The following MEMO1 variants were observed in gnomAD, a reference collection of about 807,000 sequenced individuals.
The protein encoded by MEMO1 is protein MEMO1.
Under a neutral mutation model 45.2 loss-of-function variants are expected in MEMO1, and 6 were observed. The observed-to-expected ratio is 0.13, with a 90% confidence interval of 0.07 to 0.26. The LOEUF is 0.26. Among genes scored for constraint, MEMO1 ranks in the 10% least tolerant of loss-of-function variants. The pLI is 1.00. For synonymous variants in MEMO1, 78 were observed against 124.3 expected (o/e 0.63, Z 2.48); for missense variants, 184 against 370.5 (o/e 0.50, Z 4.13).
At chr2:31,947,753 G>C (rs1463391863) in intron 2 of MEMO1, among the ~76,000 whole-genome samples, 1 of 152,074 alleles carries the variant, frequency 6.6e-6, no homozygotes, top group East Asian at 1.9e-4. Flanking sequence ...AATCCCACTT[G>C]ACTCAAAGAA....
intron 7 of MEMO1, 124 bp from the exon 8 acceptor site, chr2:31,883,586 A>C (rs1257726090): frequency 1.7e-5 from 11 of 648,974 alleles, no homozygotes; most frequent in Non-Finnish European, 2.9e-5. Context: ...CTCTGAGAGA[A>C]TCATTCCCAA....
intron 4 of MEMO1, 144 bp downstream of exon 4, chr2:31,931,923 C>A: frequency 1.6e-6 from 1 of 629,516 alleles, no homozygotes; most frequent in Non-Finnish European, 2.7e-6. Flanking sequence ...GTAACCTATA[C>A]AAAGTATAGT....
chr2:31,935,948 TTTA>T (rs1664869929), intron 3 of MEMO1, among the ~76,000 whole-genome samples: 1 of 151,924 alleles, frequency 6.6e-6, no homozygotes, highest in Non-Finnish European at 1.5e-5. Flanking sequence ...AGTATTTTAT[TTTA>T]TTTTTTATTT....
intron 8 of MEMO1, 105 bp downstream of exon 8, chr2:31,883,281 G>C (rs553695068): frequency 6.1e-6 from 5 of 816,146 alleles, no homozygotes; most frequent in Non-Finnish European, 9.7e-6. Flanking sequence ...TACATTTAAA[G>C]ATAGGGAAAA....
chr2:31,958,973 AC>A (rs1667696232), intron 2 of MEMO1, among the ~76,000 whole-genome samples: 1 of 152,184 alleles, frequency 6.6e-6, no homozygotes, highest in Non-Finnish European at 1.5e-5. Flanking sequence ...ACAAAGTTAG[AC>A]TAGAACTGTG....
chr2:31,915,818 T>TAA, intron 6 of MEMO1, among the ~76,000 whole-genome samples: 1 of 152,254 alleles, frequency 6.6e-6, no homozygotes, highest in South Asian at 2.1e-4. Context: ...CCCCCAAATT[T>TAA]TAGGCAATAA....
intron 2 of MEMO1, among the ~76,000 whole-genome samples, chr2:31,959,582 G>A (rs1274429506): frequency 6.6e-6 from 1 of 151,828 alleles, no homozygotes; most frequent in African/African-American, 2.4e-5. Context: ...AGGGGTTGCA[G>A]GTAAAAGTTG....
chr2:31,999,642 C>T lies in MEMO1; in HGVS notation c.61+10545G>A, dbSNP rs187133495. ...CTATGATTGCACCACTGCACTCTAGCCTGGGCAACAGAGCAAGACCCTGTC... is the reference window on the plus strand; with the variant it reads ...CTATGATTGCACCACTGCACTCTAGTCTGGGCAACAGAGCAAGACCCTGTC... On this transcript the variant is annotated intron_variant, in intron 2 of 9. Coordinates refer to ENST00000404530, the MANE Select transcript of MEMO1 (RefSeq NM_001301833.4). 2.0e-5 allele frequency among the ~76,000 whole-genome samples: 3 copies of T among 152,210 alleles called. No individual in the cohort carries two copies. In the East Asian group the frequency reaches 5.8e-4, roughly 29 times the overall value.
At chr2:32,006,795 T>A (rs959109123) in intron 2 of MEMO1, among the ~76,000 whole-genome samples, 4 of 151,788 alleles carry the variant, frequency 2.6e-5, no homozygotes, top group Non-Finnish European at 5.9e-5. Context: ...TGAAACCCCA[T>A]CTCTACTAAA....
chr2:31,949,789 T>C (rs545893149), intron 2 of MEMO1, among the ~76,000 whole-genome samples: 9 of 152,254 alleles, frequency 5.9e-5, no homozygotes, highest in African/African-American at 1.9e-4. Context: ...GGATAAATGA[T>C]TGAGGGGATG....
intron 2 of MEMO1, among the ~76,000 whole-genome samples, chr2:31,997,634 T>C (rs1025165254): frequency 3.3e-5 from 5 of 152,212 alleles, no homozygotes; most frequent in Admixed American, 6.5e-5. Flanking sequence ...AGGAATAAGC[T>C]TGACATACTT....
chr2:31,884,290 C>T (rs937778736), intron 7 of MEMO1, among the ~76,000 whole-genome samples: 1 of 152,148 alleles, frequency 6.6e-6, no homozygotes, highest in Non-Finnish European at 1.5e-5. Context: ...ACTCAACTGA[C>T]TGCAACGTAT....
At chr2:31,985,015 T>C (rs945963659) in intron 2 of MEMO1, among the ~76,000 whole-genome samples, 5 of 152,312 alleles carry the variant, frequency 3.3e-5, no homozygotes, top group African/African-American at 1.2e-4. Context: ...TTTATAACTT[T>C]TCAGTAAATC....
intron 7 of MEMO1, among the ~76,000 whole-genome samples, chr2:31,885,677 C>T (rs1011272476): frequency 5.3e-5 from 8 of 152,156 alleles, no homozygotes; most frequent in Admixed American, 3.9e-4. Context: ...ATTCTTTGAA[C>T]CTGAACTGCT....
chr2:31,944,389 A>G (rs1665960313), intron 2 of MEMO1, among the ~76,000 whole-genome samples: 2 of 152,366 alleles, frequency 1.3e-5, no homozygotes, highest in South Asian at 4.1e-4. Flanking sequence ...TTGTCAAGGA[A>G]AAACAATCAG....
At chr2:31,987,878 C>T (rs1417141464) in intron 2 of MEMO1, among the ~76,000 whole-genome samples, 2 of 152,152 alleles carry the variant, frequency 1.3e-5, no homozygotes, top group Non-Finnish European at 2.9e-5. Flanking sequence ...GGTTTCCAAT[C>T]ATCCTTCACC....
At chr2:31,911,123 TCA>T (rs1680505034) in intron 6 of MEMO1, among the ~76,000 whole-genome samples, 2 of 151,976 alleles carry the variant, frequency 1.3e-5, no homozygotes, top group African/African-American at 4.8e-5. Context: ...CAACAATCCT[TCA>T]GGAGGTGGAA....
intron 8 of MEMO1, among the ~76,000 whole-genome samples, chr2:31,873,628 A>C (rs1041650495): frequency 6.6e-6 from 1 of 152,190 alleles, no homozygotes; most frequent in African/African-American, 2.4e-5. Flanking sequence ...AATGCAAAGG[A>C]GTAGCAAAAC....
chr2:31,970,057 C>A (rs1004603730), intron 2 of MEMO1, among the ~76,000 whole-genome samples: 3 of 152,052 alleles, frequency 2.0e-5, no homozygotes, highest in Admixed American at 1.3e-4. Context: ...CTGTAACCTC[C>A]CCATCCCAGG....
Sources: gnomAD v4.1 joint callset for allele counts (sites outside exome capture counted in the v4.1 genomes callset) on GRCh38, gnomAD v4.1.1 for gene constraint, MANE v1.5 for transcripts, NCBI Gene and HGNC (gene_info 2026-07-23, HGNC 2026-07-21) for gene names.